VWA3B: variants seen among roughly 807,000 people sequenced by gnomAD.
VWA3B encodes von Willebrand factor A domain-containing protein 3B.
VWA3B carries 138 observed loss-of-function variants against 158.3 expected under a neutral mutation model. The ratio of observed to expected loss-of-function variants is 0.87; its 90% CI spans 0.76 to 1.00. VWA3B has a LOEUF of 1.00. Ranked by LOEUF, VWA3B falls within the 50% of genes least tolerant of loss-of-function variation. The probability of loss-of-function intolerance (pLI) is 0.00; values close to 1 mark genes in which losing one functional copy is unlikely to be tolerated. For missense variants in VWA3B, 1,555 were observed against 1,565.1 expected, an observed-to-expected ratio of 0.99 and a Z score of 0.11; for synonymous variants, 596 against 587.3, an observed-to-expected ratio of 1.01 and a Z score of -0.21.
At chr2:98,268,536 C>A (rs540323042) in intron 21 of VWA3B, among the ~76,000 whole-genome samples, 1 of 152,078 alleles carries the variant, frequency 6.6e-6, no homozygotes, top group South Asian at 2.1e-4. Flanking sequence ...TTTATAGTTT[C>A]TGTCTCTTTG....
chr2:98,298,549 A>G lies in VWA3B; in HGVS notation c.3282+518A>G, dbSNP rs1233741953. Among the ~76,000 whole-genome samples the G allele has an allele frequency of 2.0e-5, 3 of 152,170 alleles. No homozygotes were observed. The East Asian group carries it at 5.8e-4, about 29-fold the overall frequency. ...GAGGTAGCACTTTCCTTGGCACTGT[A>G]ATCAGCTGATGTCAGACGGTGATAC... On this transcript the variant is annotated intron_variant, in intron 24 of 27. Transcript: ENST00000477737.
chr2:98,192,669 A>G (rs1482566956), intron 10 of VWA3B, among the ~76,000 whole-genome samples: 6 of 152,024 alleles, frequency 3.9e-5, no homozygotes, highest in Non-Finnish European at 7.4e-5. Flanking sequence ...TGTCATACTG[A>G]TTTTCTTAGT....
At chr2:98,308,938 G>A (rs547857072) in intron 26 of VWA3B, among the ~76,000 whole-genome samples, 17 of 152,230 alleles carry the variant, frequency 1.1e-4, no homozygotes, top group African/African-American at 3.6e-4. Flanking sequence ...TTGGGAGGCC[G>A]AGATGGGCAG....
Position 98,181,039 on chromosome 2 carries a change from A to T in VWA3B, c.1138A>T (p.Ile380Phe). 6.2e-7 allele frequency: 1 copy of T among 1,614,208 alleles called. No homozygotes were observed. Among genetic ancestry groups the T allele is most frequent in the Non-Finnish European group, 8.5e-7 (1 of 1,180,022 alleles). Reference sequence around the variant, plus strand: ...AGAGTCAGAAACAACCTCTGTTGAGATTGCATCGAATCCAGAAGACACCTG... The same window carrying T: ...AGAGTCAGAAACAACCTCTGTTGAGTTTGCATCGAATCCAGAAGACACCTG... ...DCESETTSVE[I>F]ASNPEDTWDS... The change falls in exon 9 of 28, where the codon ATT becomes TTT. Residue 380 changes from isoleucine to phenylalanine, a missense_variant. Coordinates refer to ENST00000477737, the MANE Select transcript of VWA3B (RefSeq NM_144992.5).
chr2:98,144,576 T>C (rs1174367069), intron 7 of VWA3B, among the ~76,000 whole-genome samples: 2 of 151,910 alleles, frequency 1.3e-5, no homozygotes, highest in Admixed American at 1.3e-4. Context: ...CTTTTTTTTT[T>C]TTTTAATTGA....
chr2:98,186,301 G>A (rs191610844), intron 9 of VWA3B, among the ~76,000 whole-genome samples: 30 of 151,506 alleles, frequency 2.0e-4, no homozygotes, highest in Non-Finnish European at 3.5e-4. Flanking sequence ...TGCTCTGATC[G>A]CTTCTCTGTC....
chr2:98,274,373 G>C (rs1452273586), intron 22 of VWA3B, among the ~76,000 whole-genome samples: 1 of 152,208 alleles, frequency 6.6e-6, no homozygotes, highest in East Asian at 1.9e-4. Context: ...GCCTTTCACT[G>C]TATTATAAAT....
intron 8 of VWA3B, among the ~76,000 whole-genome samples, chr2:98,163,634 C>T (rs1310307527): frequency 6.6e-6 from 1 of 152,162 alleles, no homozygotes; most frequent in Non-Finnish European, 1.5e-5. Context: ...AAACTGGGCT[C>T]AATTCTGAGT....
At chr2:98,126,892 C>T (rs1462698309) in intron 5 of VWA3B, among the ~76,000 whole-genome samples, 3 of 152,064 alleles carry the variant, frequency 2.0e-5, no homozygotes, top group Non-Finnish European at 4.4e-5. Flanking sequence ...CTATCCCTTC[C>T]ACCTCCTTGG....
chr2:98,302,056 C>A (rs983102045), intron 25 of VWA3B, among the ~76,000 whole-genome samples: 2 of 152,154 alleles, frequency 1.3e-5, no homozygotes, highest in African/African-American at 2.4e-5. Context: ...TTCGTGTCAC[C>A]CTCAGGGAGT....
At chr2:98,322,638 G>A in the VWA3B span, among the ~76,000 whole-genome samples, 1 of 152,332 alleles carries the variant, frequency 6.6e-6, no homozygotes, top group Admixed American at 6.5e-5. Flanking sequence ...AAATGCATTT[G>A]CAAGCCATGT....
intron 9 of VWA3B, among the ~76,000 whole-genome samples, chr2:98,182,190 C>G (rs190534642): frequency 2.0e-5 from 3 of 152,194 alleles, no homozygotes; most frequent in Non-Finnish European, 2.9e-5. Context: ...AGGCCCCCCC[C>G]TCAAATGCAG....
chr2:98,165,961 T>C (rs188332978), intron 8 of VWA3B, among the ~76,000 whole-genome samples: 6 of 151,746 alleles, frequency 4.0e-5, no homozygotes, highest in African/African-American at 1.5e-4. Context: ...TTTCGGGGAG[T>C]GTGTGGCCTG....
intron 7 of VWA3B, among the ~76,000 whole-genome samples, chr2:98,150,610 C>G (rs1015815062): frequency 6.6e-6 from 1 of 152,166 alleles, no homozygotes; most frequent in Non-Finnish European, 1.5e-5. Context: ...TTGGTGGTGT[C>G]TAAAGACCCT....
At chr2:98,180,718 C>T (rs1192749848) in intron 8 of VWA3B, among the ~76,000 whole-genome samples, 2 of 152,250 alleles carry the variant, frequency 1.3e-5, no homozygotes, top group Non-Finnish European at 2.9e-5. Context: ...CCTTGGTCTA[C>T]TGGTCACCTT....
At chr2:98,203,117 C>T (rs1056352641) in intron 12 of VWA3B, among the ~76,000 whole-genome samples, 3 of 152,212 alleles carry the variant, frequency 2.0e-5, no homozygotes, top group Non-Finnish European at 2.9e-5. Flanking sequence ...AGGCGTGAGC[C>T]ACCACACCCG....
intron 21 of VWA3B, among the ~76,000 whole-genome samples, chr2:98,266,429 T>G (rs1416160961): frequency 6.6e-6 from 1 of 151,904 alleles, no homozygotes; most frequent in Non-Finnish European, 1.5e-5. Flanking sequence ...ACGAGTACCA[T>G]GCTGTTTTGG....
Position 98,194,393 on chromosome 2 carries a change from T to C in VWA3B, c.1638T>C (p.Phe546=), listed in dbSNP as rs190520674. 177 of 1,614,038 alleles carry C rather than the reference T, an allele frequency of 1.1e-4. No individual in the cohort carries two copies. Among genetic ancestry groups the C allele is most frequent in the Non-Finnish European group, 1.4e-4 (167 of 1,179,942 alleles). ...TGAAATATAAAAGTAAGTTTAACTT[T>C]GTGAAGTTTGATGGTCAAGCAGTTG... is the stretch of plus-strand genomic sequence containing the variant. ...EQLKYKSKFN[F]VKFDGQAVAW... Residue 546 remains phenylalanine, a synonymous_variant, in exon 12 of 28, where the codon TTT becomes TTC. Coordinates refer to ENST00000477737, the MANE Select transcript of VWA3B (RefSeq NM_144992.5).
intron 1 of VWA3B, among the ~76,000 whole-genome samples, chr2:98,089,798 A>T (rs1490679923): frequency 6.6e-6 from 1 of 151,890 alleles, no homozygotes; most frequent in Admixed American, 6.6e-5. Flanking sequence ...AGGTTCTCAG[A>T]TCCAGTAGAG....
Sources: gnomAD v4.1 joint callset for allele counts (sites outside exome capture counted in the v4.1 genomes callset) on GRCh38, gnomAD v4.1.1 for gene constraint, MANE v1.5 for transcripts, NCBI Gene and HGNC (gene_info 2026-07-23, HGNC 2026-07-21) for gene names.